The following CNTN1 variants were observed in gnomAD, a reference collection of about 807,000 sequenced individuals.
The protein encoded by CNTN1 is contactin 1.
CNTN1 carries 38 observed loss-of-function variants against 126.4 expected under a neutral mutation model. The ratio of observed to expected loss-of-function variants is 0.30; its 90% CI spans 0.23 to 0.39. The LOEUF (loss-of-function observed/expected upper bound fraction) is 0.39, where lower values mean the gene tolerates loss of function less well. CNTN1 is among the 10% of genes least tolerant of loss of function. The probability of loss-of-function intolerance (pLI) is 1.00; values close to 1 mark genes in which losing one functional copy is unlikely to be tolerated. For synonymous variants in CNTN1, 413 were observed against 422.6 expected (o/e 0.98, Z 0.28); for missense variants, 1,009 against 1,248.4 (o/e 0.81, Z 2.89).
chr12:40,787,356 G>C (rs1028283201), intron 1 of CNTN1, among the ~76,000 whole-genome samples: 2 of 152,080 alleles, frequency 1.3e-5, no homozygotes, highest in Non-Finnish European at 2.9e-5. Context: ...GCACTTTTGG[G>C]CACACGGGGA....
At chr12:40,912,546 G>T (rs1592245856) in intron 3 of CNTN1, among the ~76,000 whole-genome samples, 1 of 151,760 alleles carries the variant, frequency 6.6e-6, no homozygotes, top group East Asian at 1.9e-4. Context: ...TATATATTTT[G>T]TAAGAATTGG....
chr12:40,914,835 T>C (rs1179279401), intron 3 of CNTN1, among the ~76,000 whole-genome samples: 1 of 152,132 alleles, frequency 6.6e-6, no homozygotes, highest in Non-Finnish European at 1.5e-5. Context: ...GCACCAATGT[T>C]ATCCAGTTTG....
At chr12:40,841,040 A>G (rs746240223) in intron 1 of CNTN1, among the ~76,000 whole-genome samples, 5 of 151,966 alleles carry the variant, frequency 3.3e-5, no homozygotes, top group Non-Finnish European at 7.4e-5. Context: ...ATATAAACAA[A>G]ATGGATAAAC....
At chr12:40,916,789 T>A (rs1445713264) in intron 3 of CNTN1, among the ~76,000 whole-genome samples, 1 of 152,040 alleles carries the variant, frequency 6.6e-6, no homozygotes, top group Non-Finnish European at 1.5e-5. Context: ...CTTTTCTGAA[T>A]GTACGAGCCC....
intron 1 of CNTN1, among the ~76,000 whole-genome samples, chr12:40,737,975 G>A: frequency 6.6e-6 from 1 of 152,010 alleles, no homozygotes; most frequent in East Asian, 1.9e-4. Flanking sequence ...GAGATCATAA[G>A]AGAAAAATCA....
intron 3 of CNTN1, among the ~76,000 whole-genome samples, chr12:40,917,582 T>C (rs556593252): frequency 1.4e-4 from 22 of 152,302 alleles, no homozygotes; most frequent in African/African-American, 5.1e-4. Context: ...CCATTGTCTT[T>C]ACCTCTCTCT....
chr12:40,906,680 T>G (rs1565920915), intron 1 of CNTN1, among the ~76,000 whole-genome samples: 1 of 118,670 alleles, frequency 8.4e-6, no homozygotes, highest in African/African-American at 3.1e-5. Context: ...TTTTTTTTTG[T>G]TTTGTTTTTT....
intron 1 of CNTN1, among the ~76,000 whole-genome samples, chr12:40,849,459 A>G (rs1220990545): frequency 6.6e-6 from 1 of 152,088 alleles, no homozygotes; most frequent in Non-Finnish European, 1.5e-5. Context: ...GAATCTCTCA[A>G]CCAATTCCTG....
intron 15 of CNTN1, among the ~76,000 whole-genome samples, chr12:40,964,049 TG>T (rs1399802020): frequency 6.6e-6 from 1 of 152,146 alleles, no homozygotes; most frequent in Non-Finnish European, 1.5e-5. Flanking sequence ...AACTTGTACA[TG>T]TATTACCACT....
intron 15 of CNTN1, chr12:40,972,228 C>T: frequency 2.0e-6 from 2 of 985,256 alleles, no homozygotes; most frequent in African/African-American, 3.5e-5. Context: ...CTGCCATCAG[C>T]TTTTGTAGAT....
chr12:40,949,363 G>A (rs1465146658), intron 14 of CNTN1, among the ~76,000 whole-genome samples: 5 of 150,782 alleles, frequency 3.3e-5, no homozygotes, highest in South Asian at 2.1e-4. Flanking sequence ...ATGCTGGTGC[G>A]CTGCACCCAC....
intron 23 of CNTN1, among the ~76,000 whole-genome samples, chr12:41,029,598 T>C (rs906873880): frequency 6.6e-6 from 1 of 152,170 alleles, no homozygotes; most frequent in Non-Finnish European, 1.5e-5. Context: ...TTAATCTTTG[T>C]CAGTTAAATA....
At chr12:40,772,375 G>A (rs1329657186) in intron 1 of CNTN1, among the ~76,000 whole-genome samples, 4 of 151,970 alleles carry the variant, frequency 2.6e-5, no homozygotes, top group Admixed American at 1.3e-4. Flanking sequence ...GACTTCCATA[G>A]TAAGTTACCT....
chr12:40,824,262 T>C (rs1189453001), intron 1 of CNTN1, among the ~76,000 whole-genome samples: 1 of 152,158 alleles, frequency 6.6e-6, no homozygotes, highest in Non-Finnish European at 1.5e-5. Flanking sequence ...GTTCTCATCA[T>C]AGAGAAACTT....
At chr12:40,787,745 C>T (rs1302329768) in intron 1 of CNTN1, among the ~76,000 whole-genome samples, 1 of 152,096 alleles carries the variant, frequency 6.6e-6, no homozygotes, top group African/African-American at 2.4e-5. Flanking sequence ...CCCAGAATTA[C>T]ACAATGACAT....
At chr12:40,979,945 T>C (rs2120363357) in intron 15 of CNTN1, among the ~76,000 whole-genome samples, 1 of 152,232 alleles carries the variant, frequency 6.6e-6, no homozygotes, top group Middle Eastern at 3.4e-3. Context: ...TAATTTGAGG[T>C]TTTAAGAGCA....
At position 40,720,521 on chromosome 12, in the gene CNTN1, T is replaced by A. The variant is rs145757323; in HGVS notation, c.-77+27929T>A. Among the ~76,000 whole-genome samples the A allele has an allele frequency of 3.0e-4, 45 of 152,270 alleles. No homozygotes were observed. The East Asian group carries it at 8.3e-3, about 28-fold the overall frequency. Reference sequence around the variant, plus strand: ...TTTATGTGACTGTTTGTTTTGTGTTTTTGAGAAGTGAATTGTATTTGAAAT... The same window carrying A: ...TTTATGTGACTGTTTGTTTTGTGTTATTGAGAAGTGAATTGTATTTGAAAT... On this transcript the variant is annotated intron_variant, in intron 1 of 23. Transcript: ENST00000551295.
At chr12:40,695,755 T>C (rs927567170) in intron 1 of CNTN1, among the ~76,000 whole-genome samples, 1 of 152,226 alleles carries the variant, frequency 6.6e-6, no homozygotes, top group African/African-American at 2.4e-5. Flanking sequence ...GATAGCGTAC[T>C]TTTTTCTTAA....
intron 1 of CNTN1, among the ~76,000 whole-genome samples, chr12:40,730,560 A>G (rs17128696): frequency 0.025 from 3,801 of 152,248 alleles, 70 homozygotes; most frequent in African/African-American, 0.045. Flanking sequence ...CAGTTGCCCA[A>G]TATCTATGTT....
Sources: gnomAD v4.1 joint callset for allele counts (sites outside exome capture counted in the v4.1 genomes callset) on GRCh38, gnomAD v4.1.1 for gene constraint, MANE v1.5 for transcripts, NCBI Gene and HGNC (gene_info 2026-07-23, HGNC 2026-07-21) for gene names.